IL1RAPL2: variants seen among roughly 807,000 people sequenced by gnomAD.
The protein encoded by IL1RAPL2 is X-linked interleukin-1 receptor accessory protein-like 2.
Under a neutral mutation model 44.1 loss-of-function variants are expected in IL1RAPL2, and 3 were observed. That is an observed-to-expected ratio of 0.07 (90% CI 0.03 to 0.18). The LOEUF (loss-of-function observed/expected upper bound fraction) is 0.18. Ranked by LOEUF, IL1RAPL2 falls within the 10% of genes least tolerant of loss-of-function variation. The pLI is 1.00. For synonymous variants in IL1RAPL2, 181 were observed against 178.8 expected (o/e 1.01, Z -0.10); for missense variants, 391 against 496.4 (o/e 0.79, Z 2.02).
rs770274181 is a variant in IL1RAPL2, at chrX:104,746,196, T to G, written c.82+87201T>G. 5.4e-5 allele frequency among the ~76,000 whole-genome samples: 6 copies of G among 111,798 alleles called. No homozygotes were observed. The East Asian group carries it at 1.7e-3, about 32-fold the overall frequency. ...AACAACTTATATAGTAATAGCTTAC[T>G]TTTAGAGATGGAGGAACTGAGCCTG... On this transcript the variant is annotated intron_variant, in intron 2 of 10. Transcript: ENST00000372582.
chrX:105,358,686 ACAC>A (rs1224725313), intron 5 of IL1RAPL2, among the ~76,000 whole-genome samples: 10 of 25,707 alleles, frequency 3.9e-4, no homozygotes, highest in East Asian at 2.7e-3. Context: ...AAAAAAAAAA[ACAC>A]AACAACAACA....
chrX:105,288,711 A>C, intron 5 of IL1RAPL2, among the ~76,000 whole-genome samples: 1 of 110,597 alleles, frequency 9.0e-6, no homozygotes, highest in Non-Finnish European at 1.9e-5. Flanking sequence ...AAGTTGCAGT[A>C]AATCTCCTTC....
At chrX:105,117,323 GA>G (rs2032872169) in intron 2 of IL1RAPL2, among the ~76,000 whole-genome samples, 1 of 111,734 alleles carries the variant, frequency 8.9e-6, no homozygotes, top group African/African-American at 3.3e-5. Flanking sequence ...TTGGGTTTTT[GA>G]CTTTTTTGGG....
At chrX:105,644,903 T>A (rs2037595690) in intron 6 of IL1RAPL2, among the ~76,000 whole-genome samples, 1 of 111,625 alleles carries the variant, frequency 9.0e-6, no homozygotes, top group Non-Finnish European at 1.9e-5. Context: ...GAATGATGGT[T>A]TCCAGCTTCA....
chrX:104,901,623 T>G (rs978860038), intron 2 of IL1RAPL2, among the ~76,000 whole-genome samples: 2 of 110,829 alleles, frequency 1.8e-5, no homozygotes, highest in African/African-American at 6.6e-5. Flanking sequence ...GAAGCTTAGC[T>G]GGTACCCACT....
chrX:105,554,604 T>A (rs2036884012), intron 6 of IL1RAPL2, among the ~76,000 whole-genome samples: 1 of 111,549 alleles, frequency 9.0e-6, no homozygotes. Flanking sequence ...GATAATCTGT[T>A]TAATTTTTTT....
intron 2 of IL1RAPL2, among the ~76,000 whole-genome samples, chrX:104,773,287 C>G (rs569170995): frequency 4.8e-4 from 53 of 111,365 alleles, no homozygotes; most frequent in Middle Eastern, 4.7e-3. Context: ...ATGTGTGTAC[C>G]TCTCCCCTTC....
intron 2 of IL1RAPL2, among the ~76,000 whole-genome samples, chrX:104,802,055 C>A (rs1471236780): frequency 2.7e-5 from 3 of 111,139 alleles, no homozygotes; most frequent in Non-Finnish European, 3.8e-5. Context: ...TCACAAAAAT[C>A]AGTCCAAGGC....
intron 4 of IL1RAPL2, among the ~76,000 whole-genome samples, chrX:105,263,384 C>T (rs1201496642): frequency 9.0e-6 from 1 of 111,673 alleles, no homozygotes; most frequent in Non-Finnish European, 1.9e-5. Context: ...TGAAATCAAT[C>T]TTCCTGATGT....
intron 2 of IL1RAPL2, among the ~76,000 whole-genome samples, chrX:105,000,462 C>G (rs974983591): frequency 9.0e-6 from 1 of 110,597 alleles, no homozygotes; most frequent in Non-Finnish European, 1.9e-5. Flanking sequence ...TGATATGGAC[C>G]CTACCTGAGA....
chrX:105,154,237 T>C (rs764031062), intron 2 of IL1RAPL2, among the ~76,000 whole-genome samples: 12 of 111,396 alleles, frequency 1.1e-4, no homozygotes, highest in Non-Finnish European at 2.1e-4. Context: ...CCCCACTTCC[T>C]GTCATGGCCT....
intron 6 of IL1RAPL2, among the ~76,000 whole-genome samples, chrX:105,674,226 A>G (rs964198827): frequency 8.9e-6 from 1 of 111,826 alleles, no homozygotes; most frequent in Non-Finnish European, 1.9e-5. Flanking sequence ...TGGTTATTTC[A>G]TCATGACATC....
chrX:104,690,266 C>CCTTTT (rs1437110553), intron 2 of IL1RAPL2, among the ~76,000 whole-genome samples: 1 of 112,406 alleles, frequency 8.9e-6, no homozygotes, highest in African/African-American at 3.2e-5. Flanking sequence ...ACTATTTCTT[C>CCTTTT]CTTTTCTTCC....
At chrX:105,698,198 T>C (rs898222876) in intron 6 of IL1RAPL2, among the ~76,000 whole-genome samples, 3 of 111,355 alleles carry the variant, frequency 2.7e-5, no homozygotes, top group African/African-American at 6.5e-5. Flanking sequence ...TCATTATTAT[T>C]ATCTGTATTT....
chrX:105,740,900 G>T (rs2038494442), intron 8 of IL1RAPL2, among the ~76,000 whole-genome samples: 1 of 111,633 alleles, frequency 9.0e-6, no homozygotes, highest in African/African-American at 3.3e-5. Flanking sequence ...ATGAAATGAA[G>T]TATTGTCATA....
At chrX:104,869,698 C>T (rs1602770342) in intron 2 of IL1RAPL2, among the ~76,000 whole-genome samples, 1 of 111,993 alleles carries the variant, frequency 8.9e-6, no homozygotes, top group Non-Finnish European at 1.9e-5. Flanking sequence ...CTATTTCTAA[C>T]AGAACTATAT....
intron 5 of IL1RAPL2, among the ~76,000 whole-genome samples, chrX:105,445,105 C>T (rs762507935): frequency 3.6e-5 from 4 of 111,390 alleles, no homozygotes; most frequent in Non-Finnish European, 5.7e-5. Flanking sequence ...TGGATTTCTT[C>T]ATGGTTCAAT....
At chrX:105,391,988 A>C (rs1243193010) in intron 5 of IL1RAPL2, among the ~76,000 whole-genome samples, 2 of 65,751 alleles carry the variant, frequency 3.0e-5, no homozygotes, top group African/African-American at 1.2e-4. Flanking sequence ...CACTCTGGGG[A>C]CTGTTGTGGG....
At chrX:105,740,453 C>T in intron 7 of IL1RAPL2, 93 bp from the exon 8 acceptor site, 1 of 886,934 alleles carries the variant, frequency 1.1e-6, no homozygotes, top group Non-Finnish European at 1.6e-6. Flanking sequence ...TCATCAGAGA[C>T]CTGTGTGAGC....
Sources: allele counts gnomAD v4.1 joint callset (sites outside exome capture counted in the v4.1 genomes callset), GRCh38; gene constraint gnomAD v4.1.1; transcripts MANE v1.5; gene names NCBI Gene and HGNC (gene_info 2026-07-23, HGNC 2026-07-21).